Variants in VSTM4 observed in about 807,000 individuals in gnomAD.
VSTM4 encodes the protein V-set and transmembrane domain containing 4, also known as V-set and transmembrane domain-containing protein 4.
Under a neutral mutation model 36.4 loss-of-function variants are expected in VSTM4, and 20 were observed. That is an observed-to-expected ratio of 0.55 (90% CI 0.39 to 0.80). The LOEUF (loss-of-function observed/expected upper bound fraction) is 0.80. Among genes scored for constraint, VSTM4 ranks in the 30% least tolerant of loss-of-function variants. The pLI is 0.00. For synonymous variants in VSTM4, 182 were observed against 173.9 expected, an observed-to-expected ratio of 1.05 and a Z score of -0.37; for missense variants, 392 against 404.5, an observed-to-expected ratio of 0.97 and a Z score of 0.26.
intron 7 of VSTM4, among the ~76,000 whole-genome samples, chr10:49,030,783 A>G (rs2131940061): frequency 6.6e-6 from 1 of 152,354 alleles, no homozygotes; most frequent in African/African-American, 2.4e-5. Context: ...GGAGCCTGCT[A>G]AATCTGGCAT....
intron 7 of VSTM4, among the ~76,000 whole-genome samples, chr10:49,038,735 G>A (rs1843471974): frequency 6.6e-6 from 1 of 152,116 alleles, no homozygotes; most frequent in Admixed American, 6.5e-5. Context: ...AGGTGCCTGT[G>A]GGCCCTCCAG....
chr10:49,060,375 T>C (rs1843855701), intron 5 of VSTM4, among the ~76,000 whole-genome samples: 1 of 152,216 alleles, frequency 6.6e-6, no homozygotes, highest in African/African-American at 2.4e-5. Context: ...CTATTGTCTG[T>C]CTTTTGAGTT....
chr10:49,042,271 C>T (rs915111302), intron 7 of VSTM4, among the ~76,000 whole-genome samples: 2 of 152,330 alleles, frequency 1.3e-5, no homozygotes, highest in Admixed American at 6.5e-5. Context: ...AGCCAAAAGG[C>T]CTGCTGCTGC....
At chr10:49,077,174 C>T (rs1166009099) in intron 4 of VSTM4, 45 bp downstream of exon 4, 18 of 1,584,556 alleles carry the variant, frequency 1.1e-5, no homozygotes, top group Middle Eastern at 4.2e-4. Context: ...CGTCTGTGGT[C>T]GGGGTGTGCT....
intron 4 of VSTM4, among the ~76,000 whole-genome samples, chr10:49,069,800 A>G (rs1272141681): frequency 3.3e-5 from 5 of 152,184 alleles, no homozygotes; most frequent in Non-Finnish European, 7.3e-5. Flanking sequence ...CTCACATGCA[A>G]AGGACCAGCA....
intron 1 of VSTM4, among the ~76,000 whole-genome samples, chr10:49,112,375 G>A (rs969558004): frequency 2.6e-5 from 4 of 152,222 alleles, no homozygotes; most frequent in African/African-American, 9.6e-5. Flanking sequence ...CAGAAGCAGT[G>A]GCTTGGTGGG....
intron 2 of VSTM4, among the ~76,000 whole-genome samples, chr10:49,106,133 G>T (rs572533275): frequency 9.5e-4 from 145 of 152,232 alleles, no homozygotes; most frequent in African/African-American, 2.9e-3. Context: ...CTACTGTAAA[G>T]ACTCTGTATA....
At position 49,081,443 on chromosome 10, in the gene VSTM4, G is replaced by A. The variant is rs369885566; in HGVS notation, c.527-4117C>T. ...GATCCACAAGCTCACCTCTTCATCT[G>A]AGCTCTTTCCTTCGCTTCAGAACAG... On this transcript the variant is annotated intron_variant, in intron 3 of 7. Coordinates refer to ENST00000332853, the MANE Select transcript of VSTM4 (RefSeq NM_001031746.5). Among the ~76,000 whole-genome samples the A allele has an allele frequency of 6.6e-5, 10 of 152,336 alleles. No individual in the cohort carries two copies. In the East Asian group the frequency reaches 1.7e-3, roughly 26 times the overall value.
chr10:49,107,851 G>A lies in VSTM4; in HGVS notation c.200C>T (p.Ser67Phe). Residue 67 changes from serine (S) to phenylalanine (F), a missense_variant, in exon 2 of 8, where the codon TCC becomes TTC. Transcript: ENST00000332853. ...LLAVRWFFAH[S>F]FDSQEALMVK... ...CATCAAGGCCTCCTGGGAGTCGAAG[G>A]AGTGTGCAAAGAACCAGCGCACGGC... 6.2e-7 allele frequency: 1 copy of A among 1,614,234 alleles called. No individual in the cohort carries two copies. The highest frequency in any genetic ancestry group is 1.6e-4 in the Middle Eastern group (1 of 6,062).
intron 5 of VSTM4, among the ~76,000 whole-genome samples, chr10:49,052,779 C>A (rs1202796843): frequency 1.3e-5 from 2 of 152,234 alleles, no homozygotes; most frequent in Admixed American, 6.5e-5. Flanking sequence ...GTTTCTGGAA[C>A]ATCATTTTTG....
At chr10:49,089,366 G>A (rs1844431370) in intron 2 of VSTM4, among the ~76,000 whole-genome samples, 1 of 152,022 alleles carries the variant, frequency 6.6e-6, no homozygotes, top group Admixed American at 6.6e-5. Context: ...TGCCTCAGGG[G>A]GTGACTCTTC....
chr10:49,072,750 T>C (rs533669254), intron 4 of VSTM4, among the ~76,000 whole-genome samples: 2 of 152,276 alleles, frequency 1.3e-5, no homozygotes, highest in East Asian at 3.9e-4. Flanking sequence ...AGCCCTGCTG[T>C]CCTATTTGTC....
chr10:49,070,781 C>T (rs1456385972), intron 4 of VSTM4, among the ~76,000 whole-genome samples: 1 of 152,224 alleles, frequency 6.6e-6, no homozygotes, highest in Non-Finnish European at 1.5e-5. Context: ...GGGGGCCTGA[C>T]CAGAGAGCCA....
intron 7 of VSTM4, among the ~76,000 whole-genome samples, chr10:49,044,827 T>C (rs1309992639): frequency 6.6e-6 from 1 of 152,240 alleles, no homozygotes; most frequent in African/African-American, 2.4e-5. Context: ...AGCTTTACTT[T>C]GTACCATTCA....
intron 7 of VSTM4, among the ~76,000 whole-genome samples, chr10:49,032,345 G>A (rs1301764667): frequency 6.6e-6 from 1 of 152,214 alleles, no homozygotes; most frequent in Non-Finnish European, 1.5e-5. Flanking sequence ...CCCAAAGGCA[G>A]TGACTCCGTA....
intron 5 of VSTM4, among the ~76,000 whole-genome samples, chr10:49,052,360 T>C (rs1843711302): frequency 6.6e-6 from 1 of 152,138 alleles, no homozygotes; most frequent in Non-Finnish European, 1.5e-5. Flanking sequence ...CTAGTGATAA[T>C]GGACACTTCC....
intron 2 of VSTM4, 83 bp from the exon 3 acceptor site, chr10:49,086,106 C>A: frequency 2.3e-6 from 2 of 879,500 alleles, no homozygotes; most frequent in South Asian, 2.0e-5. Flanking sequence ...AAAGCAATTT[C>A]TACATTTGCA....
At position 49,042,451 on chromosome 10, in the gene VSTM4, G is replaced by C. The variant is rs938230862; in HGVS notation, c.837+4532C>G. 2.6e-5 allele frequency among the ~76,000 whole-genome samples: 4 copies of C among 152,246 alleles called. No homozygotes were observed. In the South Asian group the frequency reaches 6.2e-4, roughly 24 times the overall value. ...GAAGCACAGAGCAGCAAGGACAGGAGCAAGGCTGAGCCACACAGGCATTCA... is the reference window on the plus strand; with the variant it reads ...GAAGCACAGAGCAGCAAGGACAGGACCAAGGCTGAGCCACACAGGCATTCA... On this transcript the variant is annotated intron_variant, in intron 7 of 7. Transcript: ENST00000332853.
At chr10:49,115,312 G>T in intron 1 of VSTM4, 119 bp downstream of exon 1, 1 of 666,430 alleles carries the variant, frequency 1.5e-6, no homozygotes, top group Non-Finnish European at 1.9e-6. Flanking sequence ...TGACAGCGCC[G>T]CCCCCCGCCC....
Sources: gnomAD v4.1 joint callset for allele counts (sites outside exome capture counted in the v4.1 genomes callset) on GRCh38, gnomAD v4.1.1 for gene constraint, MANE v1.5 for transcripts, NCBI Gene and HGNC (gene_info 2026-07-23, HGNC 2026-07-21) for gene names.